The following NYAP2 variants were observed in gnomAD, a reference collection of about 807,000 sequenced individuals.
NYAP2 encodes the protein neuronal tyrosine-phosphorylated phosphoinositide-3-kinase adaptor 2, also known as neuronal tyrosine-phosphorylated phosphoinositide-3-kinase adapter 2.
NYAP2 carries 23 observed loss-of-function variants against 50.4 expected under a neutral mutation model. The observed-to-expected ratio is 0.46, with a 90% CI of 0.33 to 0.65. NYAP2 has a LOEUF of 0.65. Ranked by LOEUF, NYAP2 falls within the 30% of genes least tolerant of loss-of-function variation. The pLI is 0.02. For synonymous variants in NYAP2, 394 were observed against 365.2 expected (o/e 1.08, Z -0.90); for missense variants, 885 against 861.0 (o/e 1.03, Z -0.35).
chr2:225,695,075 T>G, the NYAP2 span, among the ~76,000 whole-genome samples: 2 of 151,882 alleles, frequency 1.3e-5, no homozygotes, highest in Admixed American at 1.3e-4. Flanking sequence ...ATTCTTATTC[T>G]TCTATTCTTT....
At chr2:225,651,303 T>G in intron 6 of NYAP2, 129 bp from the exon 7 acceptor site, 1 of 1,252,610 alleles carries the variant, frequency 8.0e-7, no homozygotes, top group Non-Finnish European at 1.2e-6. Context: ...CTGCTACTTA[T>G]TAGCAAACAT....
chr2:225,665,703 G>A, the NYAP2 span, among the ~76,000 whole-genome samples: 1 of 149,662 alleles, frequency 6.7e-6, no homozygotes, highest in Admixed American at 6.7e-5. Context: ...CAGCTACTCA[G>A]GAGGCTGAGG....
chr2:225,547,133 C>T (rs773644144), intron 4 of NYAP2, among the ~76,000 whole-genome samples: 35 of 152,232 alleles, frequency 2.3e-4, no homozygotes, highest in South Asian at 4.1e-4. Context: ...CTTTTGTTGC[C>T]GTAAGCTGCA....
At chr2:225,560,076 A>G (rs767128702) in intron 4 of NYAP2, among the ~76,000 whole-genome samples, 10 of 152,242 alleles carry the variant, frequency 6.6e-5, no homozygotes, top group African/African-American at 2.4e-4. Context: ...AAAAAAGAAT[A>G]TGTAAAGAAT....
chr2:225,690,892 C>CTT, the NYAP2 span, among the ~76,000 whole-genome samples: 3 of 152,010 alleles, frequency 2.0e-5, no homozygotes, highest in African/African-American at 4.8e-5. Context: ...CTTTTTCTGC[C>CTT]TTCTATCAGA....
At chr2:225,499,087 T>C (rs1690556298) in intron 3 of NYAP2, among the ~76,000 whole-genome samples, 1 of 151,754 alleles carries the variant, frequency 6.6e-6, no homozygotes, top group African/African-American at 2.4e-5. Context: ...GAAACAGAAC[T>C]TTGACCTACA....
rs192753435 is a variant in NYAP2, at chr2:225,552,725, C to G, written c.524-29216C>G. On this transcript the variant is annotated intron_variant, in intron 4 of 6. Coordinates refer to ENST00000636099, the Ensembl canonical transcript of NYAP2. ...TTGTTTTTTGAGACACAGTCTCGCT[C>G]TGTTGCCCAGGCTGGAGTGCAGTGG... Among the ~76,000 whole-genome samples, 42 of 152,300 alleles carry G rather than the reference C, an allele frequency of 2.8e-4. No homozygotes were observed. The East Asian group carries it at 7.9e-3, about 29-fold the overall frequency.
intron 4 of NYAP2, among the ~76,000 whole-genome samples, chr2:225,572,572 G>T (rs538019451): frequency 5.9e-5 from 9 of 152,286 alleles, no homozygotes; most frequent in Admixed American, 5.9e-4. Context: ...ACTTCTCACC[G>T]GTTCCCTCCC....
At chr2:225,440,930 A>G (rs1689460056) in intron 3 of NYAP2, among the ~76,000 whole-genome samples, 1 of 152,182 alleles carries the variant, frequency 6.6e-6, no homozygotes, top group Non-Finnish European at 1.5e-5. Flanking sequence ...CATGTCTAGA[A>G]TGGAGACACT....
chr2:225,470,421 A>C (rs1689995511), intron 3 of NYAP2, among the ~76,000 whole-genome samples: 1 of 152,160 alleles, frequency 6.6e-6, no homozygotes, highest in Non-Finnish European at 1.5e-5. Context: ...AAACCCCCAA[A>C]TTTAGGGGCA....
chr2:225,437,497 A>G (rs1689398343), intron 3 of NYAP2, among the ~76,000 whole-genome samples: 1 of 152,158 alleles, frequency 6.6e-6, no homozygotes, highest in East Asian at 1.9e-4. Flanking sequence ...CCACTTTCAG[A>G]TCACACTGCT....
At chr2:225,545,683 G>A (rs561992212) in intron 4 of NYAP2, among the ~76,000 whole-genome samples, 128 of 152,106 alleles carry the variant, frequency 8.4e-4, no homozygotes, top group African/African-American at 3.0e-3. Flanking sequence ...TCCAGGATTA[G>A]TCTCTGGTTC....
At chr2:225,533,576 G>A (rs569009500) in intron 4 of NYAP2, among the ~76,000 whole-genome samples, 11 of 151,918 alleles carry the variant, frequency 7.2e-5, no homozygotes, top group Non-Finnish European at 1.6e-4. Flanking sequence ...GTGGTCCCAG[G>A]TACTTCTGAG....
intron 6 of NYAP2, among the ~76,000 whole-genome samples, chr2:225,640,346 G>GT (rs1192424792): frequency 1.3e-5 from 2 of 151,894 alleles, no homozygotes; most frequent in African/African-American, 2.4e-5. Flanking sequence ...TGTTTTTGTT[G>GT]TTTTTTTCAA....
chr2:225,665,806 C>CA, the NYAP2 span, among the ~76,000 whole-genome samples: 171 of 4,432 alleles, frequency 0.039, 8 homozygotes, highest in Admixed American at 0.087. Flanking sequence ...AAGCCTCCGT[C>CA]TAAAAAAAAA....
chr2:225,612,293 AATAAC>A (rs1040445088), intron 5 of NYAP2, among the ~76,000 whole-genome samples: 3 of 151,718 alleles, frequency 2.0e-5, no homozygotes, highest in African/African-American at 7.3e-5. Context: ...TGTTGTTTTT[AATAAC>A]ATAAGTAATC....
intron 3 of NYAP2, among the ~76,000 whole-genome samples, chr2:225,511,357 C>CAT (rs1690812137): frequency 7.0e-6 from 1 of 141,904 alleles, no homozygotes; most frequent in South Asian, 2.3e-4. Context: ...CACACACACA[C>CAT]ACACACACAC....
intron 4 of NYAP2, among the ~76,000 whole-genome samples, chr2:225,531,234 T>G (rs1037888894): frequency 1.3e-5 from 2 of 152,220 alleles, no homozygotes; most frequent in African/African-American, 2.4e-5. Context: ...CTACCTAGTT[T>G]ACTCCAGACA....
intron 3 of NYAP2, among the ~76,000 whole-genome samples, chr2:225,459,219 A>G (rs1431704843): frequency 1.3e-5 from 2 of 152,100 alleles, no homozygotes; most frequent in African/African-American, 2.4e-5. Flanking sequence ...TTTAATTTGG[A>G]TTCTCATTGT....
Sources: allele counts gnomAD v4.1 joint callset (sites outside exome capture counted in the v4.1 genomes callset), GRCh38; gene constraint gnomAD v4.1.1; transcripts MANE v1.5; gene names NCBI Gene and HGNC (gene_info 2026-07-23, HGNC 2026-07-21).